ERBB4: variants seen among roughly 807,000 people sequenced by gnomAD.
ERBB4 encodes erb-b2 receptor tyrosine kinase 4, also known as receptor tyrosine-protein kinase erbB-4.
ERBB4 carries 42 observed loss-of-function variants against 158.0 expected under a neutral mutation model. That is an observed-to-expected ratio of 0.27 (90% CI 0.21 to 0.34). The LOEUF (loss-of-function observed/expected upper bound fraction) is 0.34, where lower values mean the gene tolerates loss of function less well. Among genes scored for constraint, ERBB4 ranks in the 10% least tolerant of loss-of-function variants. The probability of loss-of-function intolerance (pLI) is 1.00; values close to 1 mark genes in which losing one functional copy is unlikely to be tolerated. For synonymous variants in ERBB4, 583 were observed against 558.7 expected (o/e 1.04, Z -0.61); for missense variants, 1,333 against 1,624.1 (o/e 0.82, Z 3.08).
In ERBB4 at chr2:212,355,472, T is replaced by G. The variant is rs182718152; in HGVS notation, c.82+182977A>C. On this transcript the variant is annotated intron_variant, in intron 1 of 27. Coordinates refer to ENST00000342788, the MANE Select transcript of ERBB4 (RefSeq NM_005235.3). ...CTTTAAATAGTCATTGTATGTTGAGTGGCACTTGGCCCAGCTTTGGCTTAA... is the reference window on the plus strand; with the variant it reads ...CTTTAAATAGTCATTGTATGTTGAGGGGCACTTGGCCCAGCTTTGGCTTAA... Among the ~76,000 whole-genome samples the G allele has an allele frequency of 9.2e-4, 140 of 152,146 alleles. 2 individuals are homozygous for G. In the East Asian group the frequency reaches 0.024, roughly 26 times the overall value.
intron 1 of ERBB4, among the ~76,000 whole-genome samples, chr2:212,289,032 A>G (rs1420034429): frequency 2.0e-5 from 3 of 152,058 alleles, no homozygotes; most frequent in African/African-American, 4.8e-5. Flanking sequence ...GGAGACTGAG[A>G]AAAAGAAACC....
At chr2:212,344,476 A>G (rs13032325) in intron 1 of ERBB4, among the ~76,000 whole-genome samples, 27 of 121,504 alleles carry the variant, frequency 2.2e-4, no homozygotes, top group South Asian at 3.0e-4. Flanking sequence ...GTGTGTATAT[A>G]TGTGTGTGTG....
chr2:211,768,193 T>C (rs2075602491), intron 4 of ERBB4, among the ~76,000 whole-genome samples: 1 of 152,214 alleles, frequency 6.6e-6, no homozygotes, highest in Admixed American at 6.5e-5. Context: ...ATGTCTCACA[T>C]CCAGGTCACG....
intron 1 of ERBB4, among the ~76,000 whole-genome samples, chr2:212,385,757 A>T (rs2090655058): frequency 6.6e-6 from 1 of 151,890 alleles, no homozygotes; most frequent in African/African-American, 2.4e-5. Flanking sequence ...AAGTGGAAAG[A>T]ATGGGGAAAG....
intron 1 of ERBB4, among the ~76,000 whole-genome samples, chr2:212,256,439 A>G (rs983259659): frequency 1.3e-5 from 2 of 152,168 alleles, no homozygotes; most frequent in African/African-American, 4.8e-5. Context: ...AGTGAATTTG[A>G]TAGTCAGAAA....
chr2:212,497,937 A>T (rs1286490624), intron 1 of ERBB4, among the ~76,000 whole-genome samples: 8 of 152,188 alleles, frequency 5.3e-5, no homozygotes, highest in Non-Finnish European at 2.9e-5. Flanking sequence ...TTTTTGAAAA[A>T]TTACTAAATT....
chr2:211,871,704 T>C (rs1464576757), intron 3 of ERBB4, among the ~76,000 whole-genome samples: 1 of 152,208 alleles, frequency 6.6e-6, no homozygotes, highest in Non-Finnish European at 1.5e-5. Context: ...GCTCTTTCTC[T>C]AAGCTGTTTT....
At chr2:212,213,499 G>A (rs1047798972) in intron 1 of ERBB4, among the ~76,000 whole-genome samples, 2 of 151,778 alleles carry the variant, frequency 1.3e-5, no homozygotes, top group South Asian at 4.1e-4. Flanking sequence ...ATGCATTTAT[G>A]GGGGCAGCTA....
At chr2:211,396,540 CAAT>C (rs1333890596) in intron 25 of ERBB4, among the ~76,000 whole-genome samples, 2 of 151,992 alleles carry the variant, frequency 1.3e-5, no homozygotes, top group African/African-American at 4.8e-5. Context: ...TTCAACATTT[CAAT>C]AATAGTATTT....
chr2:211,834,570 TA>T (rs138253256), intron 3 of ERBB4, among the ~76,000 whole-genome samples: 1,636 of 152,124 alleles, frequency 0.011, 30 homozygotes, highest in African/African-American at 0.037. Context: ...GAACAGTTAA[TA>T]TTTTTTTACT....
intron 1 of ERBB4, among the ~76,000 whole-genome samples, chr2:212,134,676 C>CTTTTTTTTTTTT (rs869141215): frequency 1.4e-5 from 1 of 69,056 alleles, no homozygotes; most frequent in Non-Finnish European, 2.5e-5. Flanking sequence ...TAAACACTTT[C>CTTTTTTTTTTTT]TTTTTTTTTT....
At chr2:212,261,591 T>G (rs571507359) in intron 1 of ERBB4, among the ~76,000 whole-genome samples, 3 of 152,010 alleles carry the variant, frequency 2.0e-5, no homozygotes, top group Admixed American at 6.5e-5. Flanking sequence ...TCAAAGGAAA[T>G]GAAGAAATAA....
intron 20 of ERBB4, among the ~76,000 whole-genome samples, chr2:211,449,155 A>C (rs2064181716): frequency 6.6e-6 from 1 of 152,098 alleles, no homozygotes; most frequent in South Asian, 2.1e-4. Context: ...CTGAATTCCT[A>C]TCAGAACCTT....
intron 16 of ERBB4, among the ~76,000 whole-genome samples, chr2:211,643,500 C>T (rs553676433): frequency 6.6e-6 from 1 of 152,218 alleles, no homozygotes; most frequent in East Asian, 1.9e-4. Flanking sequence ...AAGATACTAA[C>T]TGAAAAGTTC....
At chr2:212,311,183 T>G (rs2087028601) in intron 1 of ERBB4, among the ~76,000 whole-genome samples, 1 of 150,774 alleles carries the variant, frequency 6.6e-6, no homozygotes, top group Admixed American at 6.7e-5. Flanking sequence ...GTAACTTAGG[T>G]TAGAGATAGG....
intron 1 of ERBB4, among the ~76,000 whole-genome samples, chr2:212,378,279 T>C (rs1335973559): frequency 2.0e-5 from 3 of 151,926 alleles, no homozygotes; most frequent in Non-Finnish European, 4.4e-5. Flanking sequence ...TACTGTTCTA[T>C]ATGCCATCTG....
chr2:212,016,505 A>G (rs1404582776), intron 2 of ERBB4, among the ~76,000 whole-genome samples: 2 of 152,164 alleles, frequency 1.3e-5, no homozygotes, highest in East Asian at 3.8e-4. Flanking sequence ...CTGGCATATC[A>G]TGCAAATTTT....
intron 1 of ERBB4, among the ~76,000 whole-genome samples, chr2:212,277,175 G>A (rs2085571368): frequency 6.6e-6 from 1 of 151,808 alleles, no homozygotes; most frequent in Non-Finnish European, 1.5e-5. Flanking sequence ...TTTAAGGGCA[G>A]TGGGCTGCGA....
At position 212,538,468 on chromosome 2, in the gene ERBB4, C is replaced by A. The variant is rs2229091; in HGVS notation, c.63G>T (p.Gln21His). ...ACCCACCTGACTGAGAATCGCTGGG[C>A]TGGACGGTCCCCGCCGCCACGAGAA... ...VSLLVAAGTVQPSDSQSVCAG... is the reference protein window; with the variant it reads ...VSLLVAAGTVHPSDSQSVCAG... Residue 21 changes from glutamine (Q) to histidine (H), a missense_variant, in exon 1 of 28, where the codon CAG (glutamine) becomes CAT (histidine). Coordinates refer to ENST00000342788, the MANE Select transcript of ERBB4 (RefSeq NM_005235.3). 51 of 1,613,962 alleles carry A rather than the reference C, an allele frequency of 3.2e-5. 1 individual carries two copies. In the African/African-American group the frequency reaches 4.0e-4, roughly 13 times the overall value.
Sources: allele counts gnomAD v4.1 joint callset (sites outside exome capture counted in the v4.1 genomes callset), GRCh38; gene constraint gnomAD v4.1.1; transcripts MANE v1.5; gene names NCBI Gene and HGNC (gene_info 2026-07-23, HGNC 2026-07-21).